The following ACOXL variants were observed in gnomAD, a reference collection of about 807,000 sequenced individuals.
The protein encoded by ACOXL is acyl-coenzyme A oxidase-like protein.
Under a neutral mutation model 71.9 loss-of-function variants are expected in ACOXL, and 70 were observed. That is an observed-to-expected ratio of 0.97 (90% CI 0.80 to 1.19). The LOEUF (loss-of-function observed/expected upper bound fraction) is 1.19, where lower values mean the gene tolerates loss of function less well. Among genes scored for constraint, ACOXL ranks in the 50% most tolerant of loss-of-function variants. ACOXL has a pLI of 0.00. For synonymous variants in ACOXL, 253 were observed against 281.6 expected (o/e 0.90, Z 1.02); for missense variants, 703 against 736.3 (o/e 0.95, Z 0.52).
At chr2:110,873,376 C>T (rs1695503646) in intron 10 of ACOXL, among the ~76,000 whole-genome samples, 1 of 152,196 alleles carries the variant, frequency 6.6e-6, no homozygotes, top group African/African-American at 2.4e-5. Flanking sequence ...GACTCAACCT[C>T]AGCTCTAGGG....
At chr2:110,857,189 G>A (rs11890171) in intron 10 of ACOXL, among the ~76,000 whole-genome samples, 14,169 of 152,138 alleles carry the variant, frequency 0.093, 823 homozygotes, top group South Asian at 0.26. Context: ...GTCTTTGACC[G>A]ACTCACTCAT....
At chr2:110,973,777 T>G (rs1362908440) in intron 12 of ACOXL, among the ~76,000 whole-genome samples, 1 of 152,060 alleles carries the variant, frequency 6.6e-6, no homozygotes, top group Non-Finnish European at 1.5e-5. Context: ...AAGGCCTGTT[T>G]AATAGCAGGA....
rs540498066 is a variant in ACOXL, at chr2:111,037,706, A to G, written c.1369+5992A>G. ...AGGAAACTGAGGCTCAGAGGGGTGAACAACTGCTTGGGGTCACACGCTAAT... is the reference window on the plus strand; with the variant it reads ...AGGAAACTGAGGCTCAGAGGGGTGAGCAACTGCTTGGGGTCACACGCTAAT... On this transcript the variant is annotated intron_variant, in intron 15 of 17. Transcript: ENST00000439055. Among the ~76,000 whole-genome samples the G allele has an allele frequency of 2.0e-4, 30 of 152,322 alleles. No homozygotes were observed. The East Asian group carries it at 5.2e-3, about 26-fold the overall frequency.
At chr2:110,950,937 C>A (rs966034981) in intron 12 of ACOXL, among the ~76,000 whole-genome samples, 1 of 151,860 alleles carries the variant, frequency 6.6e-6, no homozygotes, top group African/African-American at 2.4e-5. Context: ...ATAGTCTGAG[C>A]CTTTGCACCT....
At chr2:110,979,251 G>C (rs1230139923) in intron 12 of ACOXL, among the ~76,000 whole-genome samples, 1 of 152,156 alleles carries the variant, frequency 6.6e-6, no homozygotes, top group Non-Finnish European at 1.5e-5. Flanking sequence ...CGCCAACCAT[G>C]CTCCTTGGTG....
chr2:110,774,003 T>G (rs1452730897), intron 2 of ACOXL, among the ~76,000 whole-genome samples: 1 of 152,132 alleles, frequency 6.6e-6, no homozygotes, highest in African/African-American at 2.4e-5. Context: ...GGAATCATGG[T>G]GCTATTTGTT....
At chr2:110,874,213 G>C (rs369967950) in intron 10 of ACOXL, among the ~76,000 whole-genome samples, 82 of 152,310 alleles carry the variant, frequency 5.4e-4, no homozygotes, top group African/African-American at 1.9e-3. Flanking sequence ...AATGCTTTTG[G>C]GGGGGTGGTG....
intron 16 of ACOXL, 30 bp from the exon 17 acceptor site, chr2:111,092,835 C>T: frequency 6.8e-7 from 1 of 1,472,946 alleles, no homozygotes. Flanking sequence ...TGCTATTTGT[C>T]CATTTCTTTT....
rs936871374 is a variant in ACOXL, at chr2:110,988,006, C to A, written c.1169+789C>A. Among the ~76,000 whole-genome samples the A allele has an allele frequency of 2.0e-5, 3 of 152,100 alleles. No individual in the cohort carries two copies. In the South Asian group the frequency reaches 6.2e-4, roughly 32 times the overall value. On this transcript the variant is annotated intron_variant, in intron 13 of 17. Transcript: ENST00000439055. The stretch of plus-strand genomic sequence containing the variant: ...ATACACTTTAAATCACCATGGACAC[C>A]CATATATCCATAGGACCTCCACTTC...
At chr2:110,933,369 G>A in intron 11 of ACOXL, 120 bp from the exon 12 acceptor site, 1 of 1,243,894 alleles carries the variant, frequency 8.0e-7, no homozygotes, top group East Asian at 2.4e-5. Context: ...TTTAAAATCT[G>A]CATCACTGAC....
chr2:110,758,773 G>T (rs1680012311), intron 1 of ACOXL, among the ~76,000 whole-genome samples: 1 of 152,100 alleles, frequency 6.6e-6, no homozygotes, highest in South Asian at 2.1e-4. Flanking sequence ...ATGTTAGGTT[G>T]TTAACTTGAG....
At chr2:110,852,219 G>C (rs892911715) in intron 10 of ACOXL, among the ~76,000 whole-genome samples, 6 of 152,194 alleles carry the variant, frequency 3.9e-5, no homozygotes, top group African/African-American at 1.4e-4. Context: ...CCCTGGCCTG[G>C]TGGATCGCTT....
At chr2:110,847,202 C>G (rs1692012584) in intron 10 of ACOXL, among the ~76,000 whole-genome samples, 1 of 151,926 alleles carries the variant, frequency 6.6e-6, no homozygotes, top group South Asian at 2.1e-4. Context: ...TTTTCTCTTT[C>G]TGCAAGATTG....
intron 14 of ACOXL, among the ~76,000 whole-genome samples, chr2:111,008,172 T>C (rs570432381): frequency 6.6e-5 from 10 of 152,352 alleles, no homozygotes; most frequent in Admixed American, 2.6e-4. Flanking sequence ...TTATTACTTA[T>C]AACAAGTTAG....
At chr2:110,855,723 T>G (rs1204760628) in intron 10 of ACOXL, among the ~76,000 whole-genome samples, 3 of 152,236 alleles carry the variant, frequency 2.0e-5, no homozygotes, top group Non-Finnish European at 4.4e-5. Context: ...TGAGTAATGT[T>G]GTGTCCGGAG....
At chr2:110,921,698 C>T (rs1003517658) in intron 11 of ACOXL, among the ~76,000 whole-genome samples, 1 of 152,074 alleles carries the variant, frequency 6.6e-6, no homozygotes, top group Non-Finnish European at 1.5e-5. Context: ...TGGCCTTCCA[C>T]CCCCCTCTCT....
intron 5 of ACOXL, among the ~76,000 whole-genome samples, chr2:110,794,692 A>G (rs1236039966): frequency 1.3e-5 from 2 of 152,062 alleles, no homozygotes; most frequent in Non-Finnish European, 2.9e-5. Context: ...GTGTCACCAA[A>G]CGGTCTGACT....
At position 111,067,371 on chromosome 2, in the gene ACOXL, A is replaced by G. The variant is rs936645767; in HGVS notation, c.1440+18083A>G. The stretch of plus-strand genomic sequence containing the variant: ...AACTTTGAGAAAGGATGAATCAAGT[A>G]TCCAATTTAAGGTGCATTTTTATAA... On this transcript the variant is annotated intron_variant, in intron 16 of 17. Transcript: ENST00000439055. 4.6e-5 allele frequency among the ~76,000 whole-genome samples: 7 copies of G among 152,248 alleles called. No homozygotes were observed. In the South Asian group the frequency reaches 1.4e-3, roughly 31 times the overall value.
intron 17 of ACOXL, among the ~76,000 whole-genome samples, chr2:111,107,457 T>C (rs76668410): frequency 6.6e-6 from 1 of 152,154 alleles, no homozygotes; most frequent in Non-Finnish European, 1.5e-5. Context: ...TAGTTTTTTT[T>C]GTTGTTGTTG....
Sources: gnomAD v4.1 joint callset for allele counts (sites outside exome capture counted in the v4.1 genomes callset) on GRCh38, gnomAD v4.1.1 for gene constraint, MANE v1.5 for transcripts, NCBI Gene and HGNC (gene_info 2026-07-23, HGNC 2026-07-21) for gene names.